The following PRKN variants were observed in gnomAD, a reference collection of about 807,000 sequenced individuals.
PRKN encodes E3 ubiquitin-protein ligase parkin.
A neutral mutation model predicts 59.5 loss-of-function variants in PRKN; 56 were observed. The observed-to-expected ratio is 0.94, with a 90% confidence interval of 0.76 to 1.18. PRKN has a LOEUF of 1.18. PRKN is among the 50% of genes most tolerant of loss of function. The pLI, the probability that PRKN is intolerant of heterozygous loss-of-function variation, is 0.00. For missense variants in PRKN, 657 were observed against 596.4 expected (o/e 1.10, Z -1.06); for synonymous variants, 250 against 222.1 (o/e 1.13, Z -1.12).
rs1413739573 is a variant in PRKN, at chr6:161,981,346, C to T, written c.619-7929G>A. On this transcript the variant is annotated intron_variant, in intron 5 of 11. Transcript: ENST00000366898. ...AGTCTTCCTATCCATGCAGAGGTTT[C>T]ATTATTAATCTTAATAATAAAGTTT... is the stretch of plus-strand genomic sequence containing the variant. Among the ~76,000 whole-genome samples the T allele has an allele frequency of 2.0e-5, 3 of 152,238 alleles. No homozygotes were observed. The South Asian group carries it at 6.2e-4, about 32-fold the overall frequency.
At chr6:161,651,021 T>C (rs1383102260) in intron 7 of PRKN, among the ~76,000 whole-genome samples, 1 of 152,254 alleles carries the variant, frequency 6.6e-6, no homozygotes, top group Non-Finnish European at 1.5e-5. Context: ...GCACTTTTGT[T>C]AAATTTTCAT....
rs756400754 is a variant in PRKN at position 161,407,626 on chromosome 6, C to T, written c.1084-20749G>A. ...ATGCAAAGCTGTCAGGCCTCTGAGT[C>T]GAAGCTCAGCCATTATAACCCCTGT... On this transcript the variant is annotated intron_variant, in intron 9 of 11. Transcript: ENST00000366898. This position sits in a 1 kb window ranked among gnomAD's most constrained non-coding sequence, Gnocchi z 4.9. Among the ~76,000 whole-genome samples, 3 of 152,118 alleles carry T rather than the reference C, an allele frequency of 2.0e-5. No homozygotes were observed. The highest frequency in any genetic ancestry group is 4.4e-5 in the Non-Finnish European group (3 of 68,026).
intron 1 of PRKN, among the ~76,000 whole-genome samples, chr6:162,600,851 A>G (rs1238255783): frequency 6.6e-6 from 1 of 152,184 alleles, no homozygotes; most frequent in Non-Finnish European, 1.5e-5. Context: ...AGGCCTCCCA[A>G]GAAAGAGAAG....
chr6:161,465,502 T>G (rs1010221061), intron 9 of PRKN, among the ~76,000 whole-genome samples: 1 of 151,680 alleles, frequency 6.6e-6, no homozygotes, highest in Non-Finnish European at 1.5e-5. Flanking sequence ...TTACTAGACA[T>G]GGAATTTTAG....
chr6:161,948,425 G>A (rs1489784380), intron 6 of PRKN, among the ~76,000 whole-genome samples: 1 of 152,198 alleles, frequency 6.6e-6, no homozygotes, highest in Non-Finnish European at 1.5e-5. Flanking sequence ...TGGGGATACA[G>A]ATGTGAATAC....
intron 2 of PRKN, among the ~76,000 whole-genome samples, chr6:162,339,039 G>A (rs1783997841): frequency 6.7e-6 from 1 of 150,092 alleles, no homozygotes; most frequent in Non-Finnish European, 1.5e-5. Context: ...TGAGAAGTGA[G>A]GAGCCCCTCC....
intron 7 of PRKN, among the ~76,000 whole-genome samples, chr6:161,769,759 T>C (rs1436570006): frequency 2.6e-5 from 4 of 152,192 alleles, no homozygotes; most frequent in Admixed American, 2.6e-4. Flanking sequence ...AGCTTGACCA[T>C]GGAGATATGG....
chr6:161,505,765 C>T (rs911935767), intron 9 of PRKN, among the ~76,000 whole-genome samples: 1 of 74,878 alleles, frequency 1.3e-5, no homozygotes, highest in Admixed American at 1.1e-4. Context: ...TTTCCCAGCA[C>T]CATTTATTAA....
intron 9 of PRKN, among the ~76,000 whole-genome samples, chr6:161,520,360 G>T (rs1157852079): frequency 6.6e-6 from 1 of 151,740 alleles, no homozygotes; most frequent in Non-Finnish European, 1.5e-5. Context: ...AAGTAGCTGG[G>T]ATTACAGGTG....
chr6:162,288,696 G>A (rs1373848363), intron 2 of PRKN, among the ~76,000 whole-genome samples: 2 of 152,002 alleles, frequency 1.3e-5, no homozygotes, highest in African/African-American at 2.4e-5. Context: ...CTAAGCAGAG[G>A]ACCCATTAAA....
intron 6 of PRKN, among the ~76,000 whole-genome samples, chr6:161,849,958 C>T (rs1435574490): frequency 8.5e-5 from 13 of 152,052 alleles, no homozygotes; most frequent in Admixed American, 8.5e-4. Context: ...ATTTTCGCTA[C>T]CGTAAAGCCC....
chr6:162,312,514 G>A (rs534702688), intron 2 of PRKN, among the ~76,000 whole-genome samples: 3 of 152,256 alleles, frequency 2.0e-5, no homozygotes, highest in Admixed American at 6.5e-5. Context: ...GCACAGGGCT[G>A]ACCCAGGCGA....
At chr6:162,323,536 A>AT (rs1243877534) in intron 2 of PRKN, among the ~76,000 whole-genome samples, 3 of 152,202 alleles carry the variant, frequency 2.0e-5, no homozygotes, top group African/African-American at 7.2e-5. Flanking sequence ...GGATATATAT[A>AT]AAAATTTTCA....
intron 7 of PRKN, among the ~76,000 whole-genome samples, chr6:161,762,986 G>A (rs1363697679): frequency 6.6e-6 from 1 of 152,284 alleles, no homozygotes; most frequent in East Asian, 1.9e-4. Flanking sequence ...AAAAGATAAA[G>A]AGAGCATATA....
chr6:162,629,523 T>G (rs1281976858), intron 1 of PRKN, among the ~76,000 whole-genome samples: 1 of 152,126 alleles, frequency 6.6e-6, no homozygotes, highest in Non-Finnish European at 1.5e-5. Flanking sequence ...CATATATATA[T>G]TTAAAGGAAT....
At chr6:162,533,908 T>G (rs1583746688) in intron 1 of PRKN, among the ~76,000 whole-genome samples, 1 of 149,018 alleles carries the variant, frequency 6.7e-6, no homozygotes, top group South Asian at 2.1e-4. Context: ...GAGGCAGAGG[T>G]TGCAGTGAGC....
At chr6:162,416,102 G>A (rs1296402896) in intron 2 of PRKN, among the ~76,000 whole-genome samples, 1 of 151,982 alleles carries the variant, frequency 6.6e-6, no homozygotes, top group Non-Finnish European at 1.5e-5. Flanking sequence ...TTAAAATACC[G>A]GCCTGGCACT....
intron 9 of PRKN, among the ~76,000 whole-genome samples, chr6:161,541,836 A>C (rs1779626743): frequency 1.3e-5 from 2 of 152,210 alleles, no homozygotes; most frequent in Admixed American, 6.5e-5. Flanking sequence ...GAAAAAAAAA[A>C]AACAGTATAA....
At chr6:161,825,447 G>A (rs1792203875) in intron 6 of PRKN, among the ~76,000 whole-genome samples, 2 of 152,098 alleles carry the variant, frequency 1.3e-5, no homozygotes, top group Admixed American at 6.6e-5. Context: ...CCTTGGCCTC[G>A]TCAATATTTC....
Sources: allele counts gnomAD v4.1 joint callset (sites outside exome capture counted in the v4.1 genomes callset), GRCh38; gene constraint gnomAD v4.1.1; non-coding constraint Gnocchi (gnomAD v3.1); transcripts MANE v1.5; gene names NCBI Gene and HGNC (gene_info 2026-07-23, HGNC 2026-07-21).